Variants in IL4I1 observed in about 807,000 individuals in gnomAD.
IL4I1 encodes L-amino-acid oxidase.
IL4I1 carries 24 observed loss-of-function variants against 29.7 expected under a neutral mutation model. The observed-to-expected ratio is 0.81, with a 90% confidence interval of 0.59 to 1.14. The LOEUF is 1.14. IL4I1 is among the 50% of genes most tolerant of loss of function. The pLI is 0.00. For missense variants in IL4I1, 686 were observed against 785.6 expected (o/e 0.87, Z 1.52); for synonymous variants, 371 against 352.5 (o/e 1.05, Z -0.59).
rs967141731 is a variant in IL4I1, at chr19:49,890,002, G to A, written c.1372C>T (p.Pro458Ser). ...TTTTCGGTTTGCCAGAGCGCCGGCG[G>A]CTGTACCACAAAGCCACCCTGGCTG... Reference protein sequence around the residue: ...QHSQGGFVVQPPALWQTEKDD... With the variant: ...QHSQGGFVVQSPALWQTEKDD... The change falls in exon 8 of 8, where the codon CCG becomes TCG. Residue 458 changes from proline (P) to serine (S), a missense_variant. Pro to Ser is a moderately conservative substitution (Grantham distance 74, BLOSUM62 -1). Coordinates refer to ENST00000391826, the MANE Select transcript of IL4I1 (RefSeq NM_152899.2). 1.9e-6 allele frequency: 3 copies of A among 1,556,076 alleles called. No individual in the cohort carries two copies. The highest frequency in any genetic ancestry group is 1.7e-6 in the Non-Finnish European group (2 of 1,150,094).
intron 5 of IL4I1, among the ~76,000 whole-genome samples, chr19:49,893,295 C>T (rs1357206721): frequency 6.7e-6 from 1 of 149,738 alleles, no homozygotes; most frequent in Non-Finnish European, 1.5e-5. Flanking sequence ...GGGGAGGGTC[C>T]AGGGCAGAGG....
At chr19:49,925,430 C>T (rs142564599) in intron 2 of IL4I1, among the ~76,000 whole-genome samples, 1 of 142,902 alleles carries the variant, frequency 7.0e-6, no homozygotes, top group South Asian at 2.3e-4. Context: ...CCCTCCCCCC[C>T]ATCTCTACTA....
Position 49,890,561 on chromosome 19 carries a change from G to C in IL4I1, c.813C>G (p.Arg271=). The part of the protein sequence containing the change: ...RIVGGWDLLP[R]ALLSSLSGLV... Reference sequence around the variant, plus strand: ...GCCCGGACAGCGAGCTCAGCAGCGCGCGCGGCAGCAGGTCCCAGCCACCCA... The same window carrying C: ...GCCCGGACAGCGAGCTCAGCAGCGCCCGCGGCAGCAGGTCCCAGCCACCCA... The change falls in exon 8 of 8, where the codon CGC becomes CGG. Residue 271 remains arginine, a synonymous_variant. Transcript: ENST00000391826. The C allele has an allele frequency of 6.3e-7, 1 of 1,593,342 alleles. No homozygotes were observed. The highest frequency in any genetic ancestry group is 8.5e-7 in the Non-Finnish European group (1 of 1,172,698).
intron 2 of IL4I1, among the ~76,000 whole-genome samples, chr19:49,913,976 G>A (rs980174398): frequency 1.3e-5 from 2 of 152,138 alleles, no homozygotes; most frequent in Admixed American, 6.5e-5. Flanking sequence ...CCTGAGGCCC[G>A]AACTGGAACT....
intron 3 of IL4I1, among the ~76,000 whole-genome samples, chr19:49,903,830 G>GTTT (rs113175852): frequency 0.073 from 4,868 of 66,366 alleles, 1,084 homozygotes; most frequent in Non-Finnish European, 0.083. Flanking sequence ...TATGTGCTGG[G>GTTT]TTTTTTTTTT....
intron 2 of IL4I1, chr19:49,909,692 G>T: frequency 1.2e-6 from 2 of 1,614,206 alleles, no homozygotes; most frequent in Non-Finnish European, 1.7e-6. Context: ...AAACCCTCCA[G>T]TGCCAGAGGT....
At chr19:49,923,958 C>G (rs1207990159) in intron 2 of IL4I1, among the ~76,000 whole-genome samples, 2 of 152,236 alleles carry the variant, frequency 1.3e-5, no homozygotes, top group Non-Finnish European at 2.9e-5. Flanking sequence ...CTGTCTGATG[C>G]AAAACTCGGA....
intron 2 of IL4I1, among the ~76,000 whole-genome samples, chr19:49,917,231 C>A (rs187146347): frequency 6.6e-6 from 1 of 152,214 alleles, no homozygotes; most frequent in Non-Finnish European, 1.5e-5. Context: ...CCTGCTGAGG[C>A]TCAGACGCCG....
upstream of IL4I1, among the ~76,000 whole-genome samples, chr19:49,900,551 G>A (rs1463344501): frequency 6.6e-6 from 1 of 152,202 alleles, no homozygotes; most frequent in East Asian, 1.9e-4. Context: ...GCCTCCCAAA[G>A]TGCTGGGATT....
chr19:49,896,126 A>G (rs1327746308), intron 2 of IL4I1, 22 bp downstream of exon 2: 1 of 1,509,696 alleles, frequency 6.6e-7, no homozygotes, highest in South Asian at 1.2e-5. Context: ...CTTGTTCCAG[A>G]GCCCCTCCCC....
At chr19:49,919,237 C>G (rs916629436) in intron 2 of IL4I1, among the ~76,000 whole-genome samples, 1 of 152,162 alleles carries the variant, frequency 6.6e-6, no homozygotes, top group Admixed American at 6.5e-5. Flanking sequence ...AATAGTGTGG[C>G]CTGTCTTCCC....
intron 4 of IL4I1, 48 bp from the exon 5 acceptor site, chr19:49,894,517 C>T: frequency 6.4e-7 from 1 of 1,554,884 alleles, no homozygotes; most frequent in Non-Finnish European, 8.8e-7. Flanking sequence ...GTGGGGGTGG[C>T]CTGGTCCCTA....
rs764839732 is a variant in IL4I1, at chr19:49,895,833, G to A, written c.234C>T (p.Leu78=). 3 of 1,613,992 alleles carry A rather than the reference G, an allele frequency of 1.9e-6. No homozygotes were observed. The highest frequency in any genetic ancestry group is 1.3e-5 in the African/African-American group (1 of 74,926). Residue 78 remains leucine (L), a synonymous_variant, in exon 3 of 8, where the codon CTC becomes CTT. Coordinates refer to ENST00000391826, the MANE Select transcript of IL4I1 (RefSeq NM_152899.2). The part of the protein sequence containing the change: ...GVAGLVAAKV[L]SDAGHKVTIL... ...TTCCCACCTTGTGTCCAGCATCGCTGAGCACCTTGGCGGCCACCAGCCCGG... is the reference window on the plus strand; with the variant it reads ...TTCCCACCTTGTGTCCAGCATCGCTAAGCACCTTGGCGGCCACCAGCCCGG...
chr19:49,923,703 C>T (rs914010145), intron 2 of IL4I1, among the ~76,000 whole-genome samples: 7 of 152,246 alleles, frequency 4.6e-5, no homozygotes, highest in Non-Finnish European at 1.0e-4. Flanking sequence ...ATTTAATCCT[C>T]AAAACCACCG....
At chr19:49,922,342 A>G (rs1056468000) in intron 2 of IL4I1, among the ~76,000 whole-genome samples, 1 of 152,114 alleles carries the variant, frequency 6.6e-6, no homozygotes, top group African/African-American at 2.4e-5. Flanking sequence ...GAAGAGAGTA[A>G]TAAGACACCA....
chr19:49,916,924 CAAAT>C (rs1568713417), intron 2 of IL4I1, among the ~76,000 whole-genome samples: 1 of 152,168 alleles, frequency 6.6e-6, no homozygotes, highest in African/African-American at 2.4e-5. Flanking sequence ...CCGTCTCAAA[CAAAT>C]AAAAAAGTTC....
At position 49,894,257 on chromosome 19, in the gene IL4I1, G is replaced by A; in HGVS notation, c.567+11C>T. On this transcript the variant is annotated intron_variant, in intron 5 of 7. Coordinates refer to ENST00000391826, the MANE Select transcript of IL4I1 (RefSeq NM_152899.2). ...AAGTCAGGGCGGGAGGAGGGTGCAG[G>A]CGGTACCCACCTGGTTGAGAGCCAT... 1 of 1,611,464 alleles carries A rather than the reference G, an allele frequency of 6.2e-7. No homozygotes were observed. The highest frequency in any genetic ancestry group is 8.5e-7 in the Non-Finnish European group (1 of 1,178,814).
intron 2 of IL4I1, among the ~76,000 whole-genome samples, chr19:49,922,092 C>T (rs2075778678): frequency 6.6e-6 from 1 of 152,228 alleles, no homozygotes; most frequent in South Asian, 2.1e-4. Flanking sequence ...AAACACCCCT[C>T]CTGACTCAGA....
At chr19:49,909,164 G>C (rs1444249406) in intron 2 of IL4I1, 1 of 1,613,550 alleles carries the variant, frequency 6.2e-7, no homozygotes, top group East Asian at 2.2e-5. Flanking sequence ...CCCAGTGCTG[G>C]TGATGGTGGC....
Sources: allele counts gnomAD v4.1 joint callset (sites outside exome capture counted in the v4.1 genomes callset), GRCh38; gene constraint gnomAD v4.1.1; transcripts MANE v1.5; gene names NCBI Gene and HGNC (gene_info 2026-07-23, HGNC 2026-07-21).